CST8: variants seen among roughly 807,000 people sequenced by gnomAD.
The protein encoded by CST8 is cystatin 8.
CST8 carries 20 observed loss-of-function variants against 11.8 expected under a neutral mutation model. That is an observed-to-expected ratio of 1.70 (90% CI 1.20 to 2.47). The LOEUF (loss-of-function observed/expected upper bound fraction) is 2.47, where lower values mean the gene tolerates loss of function less well. Among genes scored for constraint, CST8 ranks in the 30% most tolerant of loss-of-function variants. The pLI is 0.00. For missense variants in CST8, 196 were observed against 167.2 expected, an observed-to-expected ratio of 1.17 and a Z score of -0.95; for synonymous variants, 77 against 63.1, an observed-to-expected ratio of 1.22 and a Z score of -1.05.
chr20:23,495,743 A>G, intron 3 of CST8, 88 bp from the exon 4 acceptor site: 1 of 998,416 alleles, frequency 1.0e-6, no homozygotes, highest in South Asian at 1.4e-5. Context: ...ACCTAAACTG[A>G]CACCTAGCAA....
rs1387227678 is a variant in CST8, at chr20:23,491,611, G to A, written c.-57G>A. ...CTGCGGCCACCCCATCCTGCCCACAGCTCCAGCCCTGAGACGACGAGGAGG... is the reference window on the plus strand; with the variant it reads ...CTGCGGCCACCCCATCCTGCCCACAACTCCAGCCCTGAGACGACGAGGAGG... On this transcript the variant is annotated 5_prime_UTR_variant, in exon 2 of 4. Coordinates refer to ENST00000246012, the MANE Select transcript of CST8 (RefSeq NM_005492.4). The A allele has an allele frequency of 5.0e-6, 7 of 1,403,008 alleles. No homozygotes were observed. Among genetic ancestry groups the A allele is most frequent in the Non-Finnish European group, 7.0e-6 (7 of 993,646 alleles). 86.9% of individuals were successfully genotyped at this position (1,403,008 alleles called of 1,614,324 possible).
chr20:23,500,456 G>T (rs1988156597), downstream of CST8, among the ~76,000 whole-genome samples: 1 of 152,136 alleles, frequency 6.6e-6, no homozygotes, highest in African/African-American at 2.4e-5. Context: ...AATCCCATCT[G>T]CTCACACATG....
rs1425246579 is a variant in CST8, at chr20:23,495,750, G to A, written c.346-81G>A. The A allele has an allele frequency of 4.6e-6, 5 of 1,092,388 alleles. 1 individual carries two copies. In the South Asian group the frequency reaches 5.4e-5, roughly 12 times the overall value. 67.7% of individuals were successfully genotyped at this position (1,092,388 alleles called of 1,614,324 possible). A position where few individuals can be genotyped will look rare whatever the true frequency, so the allele number is the denominator to read the frequency against. ...CAGCACACACCTAAACTGACACCTAGCAACAGGACAATTGTTTTTCTTTTC... is the reference window on the plus strand; with the variant it reads ...CAGCACACACCTAAACTGACACCTAACAACAGGACAATTGTTTTTCTTTTC... On this transcript the variant is annotated intron_variant, in intron 3 of 3. Coordinates refer to ENST00000246012, the MANE Select transcript of CST8 (RefSeq NM_005492.4).
downstream of CST8, among the ~76,000 whole-genome samples, chr20:23,499,897 A>T (rs935095989): frequency 1.9e-4 from 29 of 152,032 alleles, no homozygotes; most frequent in Admixed American, 6.5e-5. Context: ...TATAAAGAAG[A>T]AGTTTATTTG....
At chr20:23,500,857 A>G (rs1988166273), downstream of CST8, among the ~76,000 whole-genome samples, 1 of 152,094 alleles carries the variant, frequency 6.6e-6, no homozygotes, top group Admixed American at 6.5e-5. Context: ...CCCCCAGGCC[A>G]TGTTACTTCC....
chr20:23,493,087 C>T lies in CST8; in HGVS notation c.345+16C>T, dbSNP rs1359244067. The T allele has an allele frequency of 3.5e-6, 5 of 1,445,068 alleles. No individual in the cohort carries two copies. The highest frequency in any genetic ancestry group is 2.8e-5 in the African/African-American group (2 of 71,526). The allele number at this position is 1,445,068 out of a possible 1,614,324, so 89.5% of individuals were successfully genotyped here. A position where few individuals can be genotyped will look rare whatever the true frequency, so the allele number is the denominator to read the frequency against. ...GCTGAAAAGGGTAGGTGATGAACCA[C>T]TCATCTGTGACGGCCTAGGCAGCTC... is the stretch of plus-strand genomic sequence containing the variant. On this transcript the variant is annotated intron_variant, in intron 3 of 3. Coordinates refer to ENST00000246012, the MANE Select transcript of CST8 (RefSeq NM_005492.4).
chr20:23,492,540 T>C (rs1987920001), intron 2 of CST8, among the ~76,000 whole-genome samples: 1 of 152,120 alleles, frequency 6.6e-6, no homozygotes, highest in South Asian at 2.1e-4. Context: ...TGGGGCCTAA[T>C]GTGGCTGAGG....
chr20:23,492,897 TG>T (rs1987931044), intron 2 of CST8, 60 bp from the exon 3 acceptor site: 9 of 988,298 alleles, frequency 9.1e-6, no homozygotes, highest in Admixed American at 5.3e-5. Flanking sequence ...TTTTTTTTTT[TG>T]TCAAAACTTT....
chr20:23,491,985 A>T, intron 2 of CST8, 87 bp downstream of exon 2: 1 of 1,030,348 alleles, frequency 9.7e-7, no homozygotes, highest in Non-Finnish European at 1.5e-6. Context: ...TAAGAAAAAT[A>T]TCACTATGCA....
chr20:23,506,819 CAAG>C, the CST8 span, among the ~76,000 whole-genome samples: 1 of 152,128 alleles, frequency 6.6e-6, no homozygotes, highest in Non-Finnish European at 1.5e-5. Flanking sequence ...ACATCAGCTC[CAAG>C]AAGAACTTGT....
chr20:23,496,289 C>G (rs1239293162), downstream of CST8, among the ~76,000 whole-genome samples: 1 of 151,852 alleles, frequency 6.6e-6, no homozygotes, highest in Non-Finnish European at 1.5e-5. Flanking sequence ...GTCAGCCAGT[C>G]TGAGAAATAA....
chr20:23,496,201 T>C (rs1988042909), downstream of CST8, among the ~76,000 whole-genome samples: 1 of 151,906 alleles, frequency 6.6e-6, no homozygotes, highest in Non-Finnish European at 1.5e-5. Flanking sequence ...AATCAGAGTA[T>C]TGGGGTAAAT....
chr20:23,495,613 G>A (rs1988018021), intron 3 of CST8, among the ~76,000 whole-genome samples: 1 of 152,052 alleles, frequency 6.6e-6, no homozygotes, highest in African/African-American at 2.4e-5. Context: ...TTGTCTTCCT[G>A]TGGTTAAAAT....
intron 2 of CST8, 73 bp from the exon 3 acceptor site, chr20:23,492,885 A>AT (rs202213134): frequency 0.053 from 33,776 of 639,376 alleles, 1,195 homozygotes; most frequent in African/African-American, 0.24. Flanking sequence ...AGTAAGAGTA[A>AT]TTTTTTTTTT....
downstream of CST8, among the ~76,000 whole-genome samples, chr20:23,498,666 T>C (rs180736548): frequency 4.6e-5 from 7 of 152,344 alleles, no homozygotes; most frequent in East Asian, 1.3e-3. Flanking sequence ...GCCACTCCCG[T>C]TATGCCCACC....
At chr20:23,498,389 G>A (rs1366572517), downstream of CST8, among the ~76,000 whole-genome samples, 4 of 152,182 alleles carry the variant, frequency 2.6e-5, no homozygotes, top group Non-Finnish European at 5.9e-5. Flanking sequence ...ATTAGGAGAA[G>A]CCAGGTTTTA....
the CST8 span, among the ~76,000 whole-genome samples, chr20:23,503,916 C>T: frequency 6.6e-6 from 1 of 152,202 alleles, no homozygotes; most frequent in East Asian, 1.9e-4. Context: ...GAGCCGACCA[C>T]GGGTTCAACC....
At chr20:23,506,150 A>G in the CST8 span, among the ~76,000 whole-genome samples, 1 of 152,142 alleles carries the variant, frequency 6.6e-6, no homozygotes, top group Non-Finnish European at 1.5e-5. Context: ...ACATTTTGCC[A>G]CTTTTCTTAC....
At chr20:23,494,153 C>T (rs150083906) in intron 3 of CST8, among the ~76,000 whole-genome samples, 212 of 152,264 alleles carry the variant, frequency 1.4e-3, no homozygotes, top group Non-Finnish European at 2.2e-3. Context: ...CAGCAGTGAG[C>T]TTGTCCGAAT....
Sources: allele counts gnomAD v4.1 joint callset (sites outside exome capture counted in the v4.1 genomes callset), GRCh38; gene constraint gnomAD v4.1.1; transcripts MANE v1.5; gene names NCBI Gene and HGNC (gene_info 2026-07-23, HGNC 2026-07-21).